STK39: variants seen among roughly 807,000 people sequenced by gnomAD.
STK39 encodes the protein serine/threonine kinase 39, also known as STE20/SPS1-related proline-alanine-rich protein kinase.
STK39 carries 20 observed loss-of-function variants against 77.8 expected under a neutral mutation model. The ratio of observed to expected loss-of-function variants is 0.26; its 90% CI spans 0.18 to 0.37. STK39 has a LOEUF of 0.37. Ranked by LOEUF, STK39 falls within the 10% of genes least tolerant of loss-of-function variation. The pLI is 1.00. For synonymous variants in STK39, 246 were observed against 234.1 expected, an observed-to-expected ratio of 1.05 and a Z score of -0.47; for missense variants, 479 against 656.5, an observed-to-expected ratio of 0.73 and a Z score of 2.95.
At chr2:168,138,413 C>T (rs1055771386) in intron 7 of STK39, among the ~76,000 whole-genome samples, 192 bp from the exon 8 acceptor site, 4 of 152,230 alleles carry the variant, frequency 2.6e-5, no homozygotes, top group East Asian at 1.9e-4. Context: ...CCCCCTTTAA[C>T]CTTTTTGTTA....
intron 1 of STK39, among the ~76,000 whole-genome samples, chr2:168,199,876 A>G (rs1259587768): frequency 6.6e-6 from 1 of 152,202 alleles, no homozygotes; most frequent in African/African-American, 2.4e-5. Flanking sequence ...TTGAAAAAAG[A>G]GCCCAAAAGG....
At chr2:168,036,521 C>T (rs1319688097) in intron 14 of STK39, among the ~76,000 whole-genome samples, 1 of 152,154 alleles carries the variant, frequency 6.6e-6, no homozygotes, top group African/African-American at 2.4e-5. Flanking sequence ...AATGAGCTTA[C>T]TGTTTTTGGG....
intron 10 of STK39, among the ~76,000 whole-genome samples, chr2:168,105,862 T>C (rs1686956683): frequency 6.6e-6 from 1 of 152,238 alleles, no homozygotes; most frequent in African/African-American, 2.4e-5. Context: ...AAATTCAAGA[T>C]AAGAACTCTT....
chr2:168,129,508 T>C (rs770757650), intron 10 of STK39, 33 bp downstream of exon 10: 1 of 1,611,414 alleles, frequency 6.2e-7, no homozygotes, highest in Non-Finnish European at 8.5e-7. Flanking sequence ...GGGGATTGGT[T>C]CCTACAGGGT....
In STK39 at chr2:168,140,418, A is replaced by T. The variant is rs1050332888; in HGVS notation, c.739-28T>A. On this transcript the variant is annotated intron_variant, in intron 6 of 17. Coordinates refer to ENST00000355999, the MANE Select transcript of STK39 (RefSeq NM_013233.3). ...AAGAAAGAAAGCAGGAAAAAAACAC[A>T]ATCATACAGCAGGCATGTTACACAT... The T allele has an allele frequency of 1.9e-6, 3 of 1,575,120 alleles. No homozygotes were observed. In the African/African-American group the frequency reaches 4.0e-5, roughly 21 times the overall value.
chr2:167,995,179 GT>G (rs1478990892), intron 16 of STK39, among the ~76,000 whole-genome samples: 1 of 151,598 alleles, frequency 6.6e-6, no homozygotes, highest in African/African-American at 2.4e-5. Context: ...GTGCAATCTT[GT>G]CTCACTGCAA....
intron 10 of STK39, among the ~76,000 whole-genome samples, chr2:168,092,118 A>T (rs1391767043): frequency 6.6e-6 from 1 of 152,204 alleles, no homozygotes; most frequent in Non-Finnish European, 1.5e-5. Context: ...TATCCACTTA[A>T]ACAAGCTCCG....
intron 16 of STK39, among the ~76,000 whole-genome samples, chr2:167,970,982 C>T (rs1246683388): frequency 6.6e-6 from 1 of 152,220 alleles, no homozygotes; most frequent in Non-Finnish European, 1.5e-5. Flanking sequence ...TCATTCATTG[C>T]TCAATTAAAG....
At chr2:168,239,017 A>T (rs1690690352) in intron 1 of STK39, among the ~76,000 whole-genome samples, 1 of 152,204 alleles carries the variant, frequency 6.6e-6, no homozygotes, top group African/African-American at 2.4e-5. Flanking sequence ...TATTAGAATG[A>T]CCCGGTTCTA....
Position 167,959,481 on chromosome 2 carries a change from AT to A in STK39, c.1564-3912del, listed in dbSNP as rs375530341. Among the ~76,000 whole-genome samples the A allele has an allele frequency of 2.7e-3, 408 of 152,152 alleles. 1 individual carries two copies. The highest frequency in any genetic ancestry group is 0.024 in the Middle Eastern group (7 of 294). ...TCAGTCTTACTTCATTCTGAAAAAA[AT>A]GTCTGCCAAATATCCGAGTCTGAAA... is the stretch of plus-strand genomic sequence containing the variant. On this transcript the variant is annotated intron_variant, in intron 17 of 17. Coordinates refer to ENST00000355999, the MANE Select transcript of STK39 (RefSeq NM_013233.3).
At chr2:168,009,567 G>A (rs1684217062) in intron 16 of STK39, among the ~76,000 whole-genome samples, 1 of 152,094 alleles carries the variant, frequency 6.6e-6, no homozygotes, top group Non-Finnish European at 1.5e-5. Context: ...ATACTTCTTC[G>A]GACCTCAGTT....
intron 10 of STK39, among the ~76,000 whole-genome samples, chr2:168,116,217 T>C (rs1687254927): frequency 6.6e-6 from 1 of 152,132 alleles, no homozygotes; most frequent in Non-Finnish European, 1.5e-5. Context: ...CCAAAACAAC[T>C]TCAACTGGCC....
intron 1 of STK39, among the ~76,000 whole-genome samples, chr2:168,210,846 T>A: frequency 6.6e-6 from 1 of 152,104 alleles, no homozygotes; most frequent in East Asian, 1.9e-4. Flanking sequence ...GGATTTAAAA[T>A]CTGAACAGGA....
At chr2:168,118,161 G>A (rs1190230199) in intron 10 of STK39, among the ~76,000 whole-genome samples, 2 of 152,034 alleles carry the variant, frequency 1.3e-5, no homozygotes, top group African/African-American at 4.8e-5. Flanking sequence ...AGGAGGAGGA[G>A]GAGGCAGTCG....
At chr2:168,020,208 T>G (rs1455307540) in intron 14 of STK39, among the ~76,000 whole-genome samples, 1 of 152,196 alleles carries the variant, frequency 6.6e-6, no homozygotes. Flanking sequence ...TTAAAAAAAT[T>G]TATTAATTTG....
chr2:168,118,602 C>CAAAAAAAA (rs35533319), intron 10 of STK39, among the ~76,000 whole-genome samples: 4 of 119,342 alleles, frequency 3.4e-5, no homozygotes, highest in Non-Finnish European at 5.2e-5. Context: ...CATATGCTTT[C>CAAAAAAAA]AAAAAAAAAA....
intron 1 of STK39, among the ~76,000 whole-genome samples, chr2:168,203,053 T>C (rs768431702): frequency 3.9e-5 from 6 of 152,150 alleles, no homozygotes; most frequent in Non-Finnish European, 8.8e-5. Context: ...GGATAATTCT[T>C]CGTTGTGAGG....
chr2:168,239,003 C>T (rs1053388989), intron 1 of STK39, among the ~76,000 whole-genome samples: 3 of 152,078 alleles, frequency 2.0e-5, no homozygotes, highest in Non-Finnish European at 4.4e-5. Context: ...GGAATTATAA[C>T]ATCTATTAGA....
chr2:167,958,626 GA>G (rs934087022), intron 17 of STK39, among the ~76,000 whole-genome samples: 1 of 151,190 alleles, frequency 6.6e-6, no homozygotes, highest in Middle Eastern at 3.4e-3. Flanking sequence ...TGAAGCACAT[GA>G]AAAAAAAATC....
Sources: allele counts gnomAD v4.1 joint callset (sites outside exome capture counted in the v4.1 genomes callset), GRCh38; gene constraint gnomAD v4.1.1; transcripts MANE v1.5; gene names NCBI Gene and HGNC (gene_info 2026-07-23, HGNC 2026-07-21).